NACC1: variants seen among roughly 807,000 people sequenced by gnomAD.
NACC1 encodes nucleus accumbens-associated protein 1.
Under a neutral mutation model 41.7 loss-of-function variants are expected in NACC1, and 6 were observed. That is an observed-to-expected ratio of 0.14 (90% CI 0.08 to 0.28). NACC1 has a LOEUF of 0.28. NACC1 is among the 10% of genes least tolerant of loss of function. The pLI, the probability that NACC1 is intolerant of heterozygous loss-of-function variation, is 1.00. For missense variants in NACC1, 434 were observed against 763.7 expected (o/e 0.57, Z 5.09); for synonymous variants, 338 against 330.6 (o/e 1.02, Z -0.24).
In NACC1 at chr19:13,137,242, C is replaced by T; in HGVS notation, c.1121-29C>T. 1.9e-6 allele frequency: 3 copies of T among 1,608,066 alleles called. No individual in the cohort carries two copies. The South Asian group carries it at 3.3e-5, about 18-fold the overall frequency. On this transcript the variant is annotated intron_variant, in intron 3 of 5. Coordinates refer to ENST00000292431, the MANE Select transcript of NACC1 (RefSeq NM_052876.4). This position sits in a 1 kb window ranked among gnomAD's most constrained non-coding sequence, Gnocchi z 6.1. ...GGGCTGTGGCGGTTTGGGGGCACCC[C>T]AGGCCATCCTCCGGCTTCCTCTCAC...
At chr19:13,126,278 C>T (rs1294335578) in intron 1 of NACC1, among the ~76,000 whole-genome samples, 1 of 150,868 alleles carries the variant, frequency 6.6e-6, no homozygotes, top group Non-Finnish European at 1.5e-5. Flanking sequence ...CTCCTGACCT[C>T]GTGACCTCGT....
At chr19:13,121,779 C>T (rs927168446) in intron 1 of NACC1, among the ~76,000 whole-genome samples, 3 of 152,140 alleles carry the variant, frequency 2.0e-5, no homozygotes, top group Non-Finnish European at 4.4e-5. Flanking sequence ...TCAGATCCTC[C>T]GTGCCCCTCG....
intron 1 of NACC1, among the ~76,000 whole-genome samples, chr19:13,118,796 G>T: frequency 6.7e-6 from 1 of 148,844 alleles, no homozygotes; most frequent in Non-Finnish European, 1.5e-5. Flanking sequence ...ATGCCGGAGG[G>T]GGAGGGGGAG....
chr19:13,121,432 C>A (rs1437620048), intron 1 of NACC1, among the ~76,000 whole-genome samples: 1 of 152,152 alleles, frequency 6.6e-6, no homozygotes, highest in African/African-American at 2.4e-5. Context: ...GATGGAAGTT[C>A]AGAACCCCTT....
In NACC1 at chr19:13,136,446, T is replaced by G; in HGVS notation, c.1120+41T>G. On this transcript the variant is annotated intron_variant, in intron 3 of 5. Coordinates refer to ENST00000292431, the MANE Select transcript of NACC1 (RefSeq NM_052876.4). The surrounding 1 kb of genome is among the most constrained non-coding windows in gnomAD (Gnocchi z 5.5). ...CCCAGATCTCTCCCCTCCGCAGCTT[T>G]GGAGCCGGCTGGCCTGGGCTGGGCT... 1.3e-6 allele frequency: 2 copies of G among 1,571,510 alleles called. No individual in the cohort carries two copies. The highest frequency in any genetic ancestry group is 2.4e-5 in the South Asian group (2 of 84,224).
chr19:13,133,301 C>T (rs752535698), intron 1 of NACC1, among the ~76,000 whole-genome samples: 4 of 151,896 alleles, frequency 2.6e-5, no homozygotes, highest in Non-Finnish European at 4.4e-5. Flanking sequence ...GGCGTGATAG[C>T]TCACACCTGG....
At position 13,138,849 on chromosome 19, in the gene NACC1, AC is replaced by A. The variant is rs2145627337; in HGVS notation, c.*445del. ...AGGGGTTCTCAGGACCCCTCCCACC[AC>A]CTCCCAGTGCTTCCACGTCTCCAAA... On this transcript the variant is annotated 3_prime_UTR_variant, in exon 6 of 6. Coordinates refer to ENST00000292431, the MANE Select transcript of NACC1 (RefSeq NM_052876.4). The surrounding 1 kb of genome is among the most constrained non-coding windows in gnomAD (Gnocchi z 5.7). The A allele has an allele frequency of 6.0e-6, 1 of 167,032 alleles. No individual in the cohort carries two copies. The highest frequency in any genetic ancestry group is 1.6e-4 in the East Asian group (1 of 6,064). 10.3% of individuals were successfully genotyped at this position (167,032 alleles called of 1,614,324 possible). A position where few individuals can be genotyped will look rare whatever the true frequency, so the allele number is the denominator to read the frequency against.
intron 1 of NACC1, among the ~76,000 whole-genome samples, chr19:13,122,636 G>GAA (rs2019513084): frequency 6.6e-6 from 1 of 151,792 alleles, no homozygotes; most frequent in Non-Finnish European, 1.5e-5. Context: ...TGACGCAAAT[G>GAA]CAGTGGCTGG....
In NACC1 at chr19:13,140,491, C is replaced by G. The variant is rs1332925599; in HGVS notation, c.*2085C>G. 2.0e-5 allele frequency: 3 copies of G among 152,234 alleles called. No homozygotes were observed. The highest frequency in any genetic ancestry group is 4.4e-5 in the Non-Finnish European group (3 of 68,078). 9.4% of individuals were successfully genotyped at this position (152,234 alleles called of 1,614,324 possible). On this transcript the variant is annotated 3_prime_UTR_variant, in exon 6 of 6. Coordinates refer to ENST00000292431, the MANE Select transcript of NACC1 (RefSeq NM_052876.4). This position sits in a 1 kb window ranked among gnomAD's most constrained non-coding sequence, Gnocchi z 4.0. ...CCCCCTTGTCCTGGGTAGGCCCCTG[C>G]CTGCCCCTCTCTGCCTTTTCCTCGG...
chr19:13,131,712 T>C (rs951688243), intron 1 of NACC1: 1 of 152,252 alleles, frequency 6.6e-6, no homozygotes, highest in African/African-American at 2.4e-5. Context: ...TGGCAGTGAT[T>C]TTGAGGAGGG....
intron 1 of NACC1, among the ~76,000 whole-genome samples, chr19:13,119,803 T>C (rs1474299137): frequency 1.3e-5 from 2 of 152,222 alleles, no homozygotes; most frequent in Non-Finnish European, 2.9e-5. Context: ...ACACTCGTCC[T>C]GGGCCAGGCC....
upstream of NACC1, chr19:13,118,258 C>T (rs533406413): frequency 6.7e-6 from 1 of 149,594 alleles, no homozygotes; most frequent in African/African-American, 2.4e-5. Flanking sequence ...CTTGCGCTCG[C>T]TCGGCGCTCG....
In NACC1 at chr19:13,137,670, T is replaced by C; in HGVS notation, c.1324+95T>C. On this transcript the variant is annotated intron_variant, in intron 5 of 5. Coordinates refer to ENST00000292431, the MANE Select transcript of NACC1 (RefSeq NM_052876.4). The surrounding 1 kb of genome is among the most constrained non-coding windows in gnomAD (Gnocchi z 6.1). ...GCTCTCAGAGAGGGCTAGAGTTCAG[T>C]GTTGAGAAGCATTCTGGGGCTCATT... 1 of 1,002,078 alleles carries C rather than the reference T, an allele frequency of 1.0e-6. No individual in the cohort carries two copies. Among genetic ancestry groups the C allele is most frequent in the Non-Finnish European group, 1.5e-6 (1 of 683,064 alleles). 62.1% of individuals were successfully genotyped at this position (1,002,078 alleles called of 1,614,324 possible). A position where few individuals can be genotyped will look rare whatever the true frequency, so the allele number is the denominator to read the frequency against.
At chr19:13,133,326 A>G (rs2019656951) in intron 1 of NACC1, among the ~76,000 whole-genome samples, 1 of 151,686 alleles carries the variant, frequency 6.6e-6, no homozygotes, top group South Asian at 2.1e-4. Flanking sequence ...CCAGCACTCC[A>G]GCCTGGGCGA....
rs1010378839 is a variant in NACC1 at position 13,139,984 on chromosome 19, G to C, written c.*1578G>C. 3.3e-5 allele frequency: 5 copies of C among 152,104 alleles called. No individual in the cohort carries two copies. Among genetic ancestry groups the C allele is most frequent in the African/African-American group, 1.2e-4 (5 of 41,400 alleles). 9.4% of individuals were successfully genotyped at this position (152,104 alleles called of 1,614,324 possible). ...TCCCAGGGGTCTCTCCAGGGGCAGG[G>C]GGATTTTAGGAGATGGGGTGGGGGC... On this transcript the variant is annotated 3_prime_UTR_variant, in exon 6 of 6. Transcript: ENST00000292431.
At position 13,139,881 on chromosome 19, in the gene NACC1, T is replaced by A. The variant is rs1228755803; in HGVS notation, c.*1475T>A. On this transcript the variant is annotated 3_prime_UTR_variant, in exon 6 of 6. Transcript: ENST00000292431. ...GCAGGGTGTCATTTCACCATCCACA[T>A]CCACATCCTTGTTTGTGTTTCTGGC... 6.6e-6 allele frequency: 1 copy of A among 151,998 alleles called. No individual in the cohort carries two copies. Among genetic ancestry groups the A allele is most frequent in the East Asian group, 1.9e-4 (1 of 5,138 alleles). The allele number at this position is 151,998 out of a possible 1,614,324, so 9.4% of individuals were successfully genotyped here.
chr19:13,131,862 TG>T (rs1209378246), intron 1 of NACC1: 2 of 152,096 alleles, frequency 1.3e-5, no homozygotes, highest in Admixed American at 6.5e-5. Context: ...TGGGTTTTTT[TG>T]TTTGTTTTTG....
chr19:13,122,841 G>C (rs1182037108), intron 1 of NACC1, among the ~76,000 whole-genome samples: 2 of 152,176 alleles, frequency 1.3e-5, no homozygotes, highest in African/African-American at 4.8e-5. Flanking sequence ...TTGCGGCCCA[G>C]CACGGGGCCA....
chr19:13,139,888 C>T lies in NACC1; in HGVS notation c.*1482C>T, dbSNP rs1568387750. 1 of 152,258 alleles carries T rather than the reference C, an allele frequency of 6.6e-6. No homozygotes were observed. Among genetic ancestry groups the T allele is most frequent in the Non-Finnish European group, 1.5e-5 (1 of 68,110 alleles). The allele number at this position is 152,258 out of a possible 1,614,324, so 9.4% of individuals were successfully genotyped here. A position where few individuals can be genotyped will look rare whatever the true frequency, so the allele number is the denominator to read the frequency against. ...GTCATTTCACCATCCACATCCACAT[C>T]CTTGTTTGTGTTTCTGGCCCTCGTC... On this transcript the variant is annotated 3_prime_UTR_variant, in exon 6 of 6. Coordinates refer to ENST00000292431, the MANE Select transcript of NACC1 (RefSeq NM_052876.4).
Sources: gnomAD v4.1 joint callset for allele counts (sites outside exome capture counted in the v4.1 genomes callset) on GRCh38, gnomAD v4.1.1 for gene constraint, Gnocchi (gnomAD v3.1) non-coding constraint, MANE v1.5 for transcripts, NCBI Gene and HGNC (gene_info 2026-07-23, HGNC 2026-07-21) for gene names.